The following AFAP1L2 variants were observed in gnomAD, a reference collection of about 807,000 sequenced individuals.
The protein encoded by AFAP1L2 is actin filament associated protein 1 like 2.
Under a neutral mutation model 99.3 loss-of-function variants are expected in AFAP1L2, and 46 were observed. The ratio of observed to expected loss-of-function variants is 0.46; its 90% CI spans 0.37 to 0.59. AFAP1L2 has a LOEUF of 0.59. AFAP1L2 is among the 20% of genes least tolerant of loss of function. The pLI, the probability that AFAP1L2 is intolerant of heterozygous loss-of-function variation, is 0.00. For missense variants in AFAP1L2, 959 were observed against 1,034.9 expected (o/e 0.93, Z 1.01); for synonymous variants, 397 against 419.1 (o/e 0.95, Z 0.64).
chr10:114,300,797 C>G, intron 13 of AFAP1L2, 107 bp from the exon 14 acceptor site: 1 of 1,436,516 alleles, frequency 7.0e-7, no homozygotes, highest in Non-Finnish European at 9.4e-7. Flanking sequence ...TCACAGTGTT[C>G]CAAGAGATCT....
At chr10:114,340,226 C>T (rs2048616773) in intron 2 of AFAP1L2, among the ~76,000 whole-genome samples, 1 of 151,258 alleles carries the variant, frequency 6.6e-6, no homozygotes, top group Non-Finnish European at 1.5e-5. Flanking sequence ...TACCTGTAGA[C>T]CCAGCTACTT....
intron 11 of AFAP1L2, among the ~76,000 whole-genome samples, chr10:114,303,602 C>G (rs533655933): frequency 6.6e-6 from 1 of 152,228 alleles, no homozygotes; most frequent in Admixed American, 6.5e-5. Flanking sequence ...CCATCATGCC[C>G]GGCCCCCACT....
At chr10:114,368,110 A>G (rs1010748446) in intron 1 of AFAP1L2, among the ~76,000 whole-genome samples, 3 of 152,254 alleles carry the variant, frequency 2.0e-5, no homozygotes, top group African/African-American at 4.8e-5. Context: ...TATATACACA[A>G]TGGAATATTA....
intron 13 of AFAP1L2, 32 bp from the exon 14 acceptor site, chr10:114,300,722 C>A: frequency 6.4e-7 from 1 of 1,555,110 alleles, no homozygotes; most frequent in Admixed American, 1.8e-5. Context: ...GGGCATTCAA[C>A]ATTACCTCTA....
intron 1 of AFAP1L2, among the ~76,000 whole-genome samples, chr10:114,376,084 A>C (rs1182987708): frequency 6.6e-6 from 1 of 152,216 alleles, no homozygotes; most frequent in African/African-American, 2.4e-5. Context: ...CTGGGAAAAC[A>C]AAATTTACAT....
rs10627231 is a variant in AFAP1L2 at position 114,295,016 on chromosome 10, T to TA, written c.*1025dup. The TA allele has an allele frequency of 0.22, 194,352 of 866,094 alleles. 260 individuals carry two copies. The highest frequency in any genetic ancestry group is 0.24 in the Non-Finnish European group (177,781 of 734,376). 53.7% of individuals were successfully genotyped at this position (866,094 alleles called of 1,614,324 possible). A position where few individuals can be genotyped will look rare whatever the true frequency, so the allele number is the denominator to read the frequency against. On this transcript the variant is annotated 3_prime_UTR_variant, in exon 19 of 19. Transcript: ENST00000304129. ...ATAGATGAAATGTTTCAACCTGTGT[T>TA]AAAAAAAAAAAAAAAAAAATGCCAT...
At chr10:114,328,643 T>G (rs1274397541) in intron 4 of AFAP1L2, among the ~76,000 whole-genome samples, 2 of 152,212 alleles carry the variant, frequency 1.3e-5, no homozygotes, top group Non-Finnish European at 2.9e-5. Context: ...CTGGCTAGCA[T>G]GGCCATGGGG....
intron 1 of AFAP1L2, among the ~76,000 whole-genome samples, chr10:114,356,298 C>G (rs1326792296): frequency 1.3e-5 from 2 of 152,220 alleles, no homozygotes; most frequent in East Asian, 3.9e-4. Flanking sequence ...GATAATGAGT[C>G]GCCTCACATC....
At chr10:114,315,798 TG>T in intron 5 of AFAP1L2, 33 bp from the exon 6 acceptor site, 1 of 1,584,056 alleles carries the variant, frequency 6.3e-7, no homozygotes, top group South Asian at 1.1e-5. Context: ...CAGGGCCCCA[TG>T]GGGCAGGGGA....
At chr10:114,401,152 C>T (rs888021430) in intron 1 of AFAP1L2, among the ~76,000 whole-genome samples, 20 of 152,074 alleles carry the variant, frequency 1.3e-4, no homozygotes, top group African/African-American at 4.4e-4. Flanking sequence ...ACAAAAGAAC[C>T]GCAGAAAAAG....
At chr10:114,404,118 C>A (rs2058495467) in intron 1 of AFAP1L2, among the ~76,000 whole-genome samples, 1 of 152,160 alleles carries the variant, frequency 6.6e-6, no homozygotes, top group Admixed American at 6.5e-5. Context: ...CTTTCCTGTG[C>A]GGCGGGACTG....
chr10:114,305,989 CTGCAGGAGGGGACGCAGA>C (rs773501500), intron 10 of AFAP1L2, among the ~76,000 whole-genome samples: 1,751 of 55,346 alleles, frequency 0.032, 74 homozygotes, highest in African/African-American at 0.083. Context: ...GGGGTCGGGG[CTGCAGGAGGGGACGCAGA>C]TGCAGGAGGG....
At chr10:114,345,545 A>G (rs945050841) in intron 1 of AFAP1L2, among the ~76,000 whole-genome samples, 1 of 152,164 alleles carries the variant, frequency 6.6e-6, no homozygotes, top group African/African-American at 2.4e-5. Context: ...TACCACCTCA[A>G]TTCTCACAAC....
chr10:114,281,922 T>A, the AFAP1L2 span, among the ~76,000 whole-genome samples: 3 of 152,144 alleles, frequency 2.0e-5, no homozygotes, highest in Non-Finnish European at 4.4e-5. Context: ...ATCGTAAGCC[T>A]CAGAAAGTAA....
chr10:114,286,142 C>T, the AFAP1L2 span: 17 of 1,614,100 alleles, frequency 1.1e-5, no homozygotes, highest in Admixed American at 2.0e-4. Flanking sequence ...GGGGGAGTAC[C>T]AGGATGTGCC....
intron 1 of AFAP1L2, among the ~76,000 whole-genome samples, chr10:114,386,631 G>A (rs2056539046): frequency 6.6e-6 from 1 of 152,174 alleles, no homozygotes; most frequent in South Asian, 2.1e-4. Context: ...GCCCTACCCA[G>A]GCAGCAGCCG....
chr10:114,291,080 C>T (rs1157283616), downstream of AFAP1L2: 5 of 1,003,848 alleles, frequency 5.0e-6, no homozygotes, highest in South Asian at 1.4e-5. Context: ...CACATGGGGT[C>T]TCTAATCTGG....
Position 114,383,576 on chromosome 10 carries a change from T to G in AFAP1L2, c.16+20864A>C, listed in dbSNP as rs947339076. Among the ~76,000 whole-genome samples the G allele has an allele frequency of 3.3e-5, 5 of 152,158 alleles. No homozygotes were observed. In the East Asian group the frequency reaches 7.7e-4, roughly 23 times the overall value. On this transcript the variant is annotated intron_variant, in intron 1 of 18. Coordinates refer to ENST00000304129, the MANE Select transcript of AFAP1L2 (RefSeq NM_001001936.3). ...ATAATAAGCATGTATGACTTTGCCA[T>G]AAAAATATAGATGTAAAATTACTAC...
In AFAP1L2 at chr10:114,300,593, A is replaced by C. The variant is rs776740763; in HGVS notation, c.1640T>G (p.Leu547Arg). Residue 547 changes from leucine (L) to arginine (R), a missense_variant, in exon 14 of 19, where the codon CTG becomes CGG. Physicochemically the swap from Leu to Arg is moderately radical, Grantham distance 102. Around this residue, in one of 2 missense-constraint regions of AFAP1L2, gnomAD observed 576 missense variants for 562.1 expected, o/e 1.02. Transcript: ENST00000304129. ...GGCCTGTGCACTGCTGGGGCCATGC[A>C]GAAAGGACTTGACAGGTGTGAGGTC... ...YLDLTPVKSF[L>R]HGPSSAQAQA... 6.2e-7 allele frequency: 1 copy of C among 1,614,186 alleles called. No homozygotes were observed. Among genetic ancestry groups the C allele is most frequent in the Non-Finnish European group, 8.5e-7 (1 of 1,180,008 alleles).
Sources: allele counts gnomAD v4.1 joint callset (sites outside exome capture counted in the v4.1 genomes callset), GRCh38; gene constraint gnomAD v4.1.1; regional missense constraint gnomAD v4.1.1; transcripts MANE v1.5; gene names NCBI Gene and HGNC (gene_info 2026-07-23, HGNC 2026-07-21).